The following KLF5 variants were observed in gnomAD, a reference collection of about 807,000 sequenced individuals.
KLF5 encodes Krueppel-like factor 5.
KLF5 carries 9 observed loss-of-function variants against 36.9 expected under a neutral mutation model. The observed-to-expected ratio is 0.24, with a 90% CI of 0.15 to 0.43. KLF5 has a LOEUF of 0.43. KLF5 is among the 20% of genes least tolerant of loss of function. The probability of loss-of-function intolerance (pLI) is 1.00; values close to 1 mark genes in which losing one functional copy is unlikely to be tolerated. For synonymous variants in KLF5, 246 were observed against 241.7 expected (o/e 1.02, Z -0.17); for missense variants, 524 against 599.5 (o/e 0.87, Z 1.31).
At chr13:73,064,548 G>A (rs988504132) in intron 3 of KLF5, among the ~76,000 whole-genome samples, 6 of 152,080 alleles carry the variant, frequency 3.9e-5, no homozygotes, top group African/African-American at 1.4e-4. Flanking sequence ...TCAATCTATA[G>A]CAGTCACTTT....
At chr13:73,069,595 G>T (rs995116029) in intron 3 of KLF5, among the ~76,000 whole-genome samples, 4 of 151,774 alleles carry the variant, frequency 2.6e-5, no homozygotes, top group African/African-American at 9.7e-5. Context: ...AGACTTGCTG[G>T]TTCAGACCCC....
rs772237443 is a variant in KLF5 at position 73,062,442 on chromosome 13, G to A, written c.843G>A (p.Met281Ile). The A allele has an allele frequency of 6.2e-6, 10 of 1,614,164 alleles. No individual in the cohort carries two copies. The highest frequency in any genetic ancestry group is 5.5e-5 in the South Asian group (5 of 91,084). ...CTGCAGTGAAACAATTCCAGGGCATGCCCCCTTGCACATACACAATGCCAA... is the reference window on the plus strand; with the variant it reads ...CTGCAGTGAAACAATTCCAGGGCATACCCCCTTGCACATACACAATGCCAA... ...PQTAVKQFQG[M>I]PPCTYTMPSQ... Residue 281 changes from methionine to isoleucine, a missense_variant, in exon 2 of 4, where the codon ATG becomes ATA. By Grantham distance (10) the Met-to-Ile change is conservative. This residue lies in a region of KLF5 where 454 missense variants were observed against 458.1 expected (regional missense o/e 0.99). Transcript: ENST00000377687.
rs1235744587 is a variant in KLF5, at chr13:73,076,847, A to G, written c.*961A>G. 6.6e-6 allele frequency: 1 copy of G among 152,226 alleles called. No homozygotes were observed. The highest frequency in any genetic ancestry group is 1.5e-5 in the Non-Finnish European group (1 of 68,040). The allele number at this position is 152,226 out of a possible 1,614,324, so 9.4% of individuals were successfully genotyped here. Reference sequence around the variant, plus strand: ...GCAGTTTCAAGTACCAAAACGTTGAATTGATGATGCAGTTTTCATATATCG... The same window carrying G: ...GCAGTTTCAAGTACCAAAACGTTGAGTTGATGATGCAGTTTTCATATATCG... On this transcript the variant is annotated 3_prime_UTR_variant, in exon 4 of 4. Coordinates refer to ENST00000377687, the MANE Select transcript of KLF5 (RefSeq NM_001730.5).
chr13:73,070,595 G>C (rs1331700468), intron 3 of KLF5, among the ~76,000 whole-genome samples: 1 of 152,224 alleles, frequency 6.6e-6, no homozygotes, highest in Non-Finnish European at 1.5e-5. Flanking sequence ...TAGACTGTAA[G>C]TGTAACCCCT....
intron 1 of KLF5, among the ~76,000 whole-genome samples, chr13:73,060,190 G>A (rs1473399976): frequency 6.8e-6 from 1 of 147,628 alleles, no homozygotes; most frequent in Non-Finnish European, 1.5e-5. Flanking sequence ...GACCGGGGGT[G>A]TTGTTTTCTT....
At chr13:73,073,781 C>T (rs1014221680) in intron 3 of KLF5, among the ~76,000 whole-genome samples, 1 of 152,016 alleles carries the variant, frequency 6.6e-6, no homozygotes. Context: ...TTTTTGTGAT[C>T]AATTTACATC....
At position 73,059,120 on chromosome 13, in the gene KLF5, G is replaced by A. The variant is rs997456147; in HGVS notation, c.-208G>A. The A allele has an allele frequency of 7.2e-6, 3 of 414,930 alleles. No individual in the cohort carries two copies. The highest frequency in any genetic ancestry group is 7.6e-5 in the East Asian group (2 of 26,374). The allele number at this position is 414,930 out of a possible 1,614,324, so 25.7% of individuals were successfully genotyped here. The stretch of plus-strand genomic sequence containing the variant: ...GCGGGGCGGGAGAAAGTGGCCGCCC[G>A]GAGGACGTTGGCGTTTACGTGTGGA... On this transcript the variant is annotated 5_prime_UTR_variant, in exon 1 of 4. Transcript: ENST00000377687.
At position 73,062,303 on chromosome 13, in the gene KLF5, C is replaced by T. The variant is rs374765099; in HGVS notation, c.704C>T (p.Pro235Leu). The change falls in exon 2 of 4, where the codon CCG (proline) becomes CTG (leucine). Residue 235 changes from proline to leucine, a missense_variant. Pro to Leu is a moderately conservative substitution (Grantham distance 98, BLOSUM62 -3). Transcript: ENST00000377687. ...QGHLYQLLNTPDLDMPSSTNQ... is the reference protein window; with the variant it reads ...QGHLYQLLNTLDLDMPSSTNQ... The stretch of plus-strand genomic sequence containing the variant: ...CACCTGTACCAGCTACTGAATACAC[C>T]GGATCTAGATATGCCCAGTTCTACA... The T allele has an allele frequency of 6.2e-7, 1 of 1,614,068 alleles. No homozygotes were observed.
At chr13:73,060,421 A>G (rs1006058415) in intron 1 of KLF5, among the ~76,000 whole-genome samples, 7 of 152,154 alleles carry the variant, frequency 4.6e-5, no homozygotes, top group African/African-American at 1.7e-4. Flanking sequence ...ATCAGAAACC[A>G]CTAACCGCCG....
chr13:73,065,008 A>G (rs2044669275), intron 3 of KLF5, among the ~76,000 whole-genome samples: 1 of 152,226 alleles, frequency 6.6e-6, no homozygotes, highest in African/African-American at 2.4e-5. Context: ...AAAAGAACTT[A>G]TATAAAGTGA....
chr13:73,075,820 G>A lies in KLF5; in HGVS notation c.1308G>A (p.Gly436=). The A allele has an allele frequency of 1.2e-6, 2 of 1,612,346 alleles. No homozygotes were observed. The highest frequency in any genetic ancestry group is 1.7e-6 in the Non-Finnish European group (2 of 1,178,522). Residue 436 remains glycine (G), a synonymous_variant, in exon 4 of 4, where the codon GGG becomes GGA. Coordinates refer to ENST00000377687, the MANE Select transcript of KLF5 (RefSeq NM_001730.5). ...KHTGAKPFQC[G]VCNRSFSRSD... ...CAGGCGCCAAGCCCTTCCAGTGCGG[G>A]GTGTGCAACCGCAGCTTCTCGCGCT...
intron 3 of KLF5, among the ~76,000 whole-genome samples, chr13:73,064,320 T>C (rs2044663457): frequency 6.6e-6 from 1 of 152,216 alleles, no homozygotes; most frequent in African/African-American, 2.4e-5. Flanking sequence ...AACGTTAGTT[T>C]CACCTCTAGG....
intron 2 of KLF5, 148 bp downstream of exon 2, chr13:73,062,882 A>G (rs2044650284): frequency 3.2e-6 from 2 of 616,720 alleles, no homozygotes; most frequent in East Asian, 2.7e-5. Flanking sequence ...AGTAAAAAAA[A>G]AAAAAATTAC....
chr13:73,067,497 C>A (rs1174296948), intron 3 of KLF5, among the ~76,000 whole-genome samples: 1 of 152,150 alleles, frequency 6.6e-6, no homozygotes, highest in Non-Finnish European at 1.5e-5. Flanking sequence ...CTAGCGGTTC[C>A]CTTCATGTGC....
At chr13:73,074,943 CAA>C (rs2044748942) in intron 3 of KLF5, 2 of 151,854 alleles carry the variant, frequency 1.3e-5, no homozygotes, top group Non-Finnish European at 2.9e-5. Flanking sequence ...TAACACATGA[CAA>C]AGAAAAACTA....
At chr13:73,063,169 A>G (rs2044652514) in intron 2 of KLF5, among the ~76,000 whole-genome samples, 1 of 152,166 alleles carries the variant, frequency 6.6e-6, no homozygotes, top group Admixed American at 6.5e-5. Context: ...GTGGGGGAAA[A>G]TAAGGTTTGG....
At chr13:73,060,455 T>C (rs2044626246) in intron 1 of KLF5, 1 of 151,828 alleles carries the variant, frequency 6.6e-6, no homozygotes, top group Non-Finnish European at 1.5e-5. Context: ...CACGAAAGGG[T>C]TTAGTTCAGT....
intron 1 of KLF5, chr13:73,060,746 A>C (rs1292586518): frequency 6.6e-6 from 1 of 152,216 alleles, no homozygotes; most frequent in Non-Finnish European, 1.5e-5. Flanking sequence ...CAGCTAATAT[A>C]TGCGCCATTC....
chr13:73,070,088 T>G (rs1434373216), intron 3 of KLF5, among the ~76,000 whole-genome samples: 1 of 152,224 alleles, frequency 6.6e-6, no homozygotes, highest in Non-Finnish European at 1.5e-5. Flanking sequence ...TTAGCCAGTA[T>G]TATTTATATT....
Sources: allele counts gnomAD v4.1 joint callset (sites outside exome capture counted in the v4.1 genomes callset), GRCh38; gene constraint gnomAD v4.1.1; regional missense constraint gnomAD v4.1.1; transcripts MANE v1.5; gene names NCBI Gene and HGNC (gene_info 2026-07-23, HGNC 2026-07-21).